C13orf46: variants seen among roughly 807,000 people sequenced by gnomAD.
C13orf46 encodes the protein chromosome 13 open reading frame 46.
downstream of C13orf46, among the ~76,000 whole-genome samples, chr13:113,949,352 T>G (rs1180251344): frequency 2.0e-5 from 3 of 151,800 alleles, no homozygotes; most frequent in African/African-American, 7.3e-5. Flanking sequence ...TTGTCAGGAG[T>G]GAGTGTGGGT....
the C13orf46 span, among the ~76,000 whole-genome samples, chr13:113,946,894 C>G: frequency 1.3e-5 from 2 of 152,240 alleles, no homozygotes; most frequent in Non-Finnish European, 2.9e-5. Flanking sequence ...CCTTTGGAGC[C>G]CCACAGCGGC....
the C13orf46 span, among the ~76,000 whole-genome samples, chr13:113,935,530 T>C: frequency 1.2e-4 from 19 of 152,242 alleles, no homozygotes; most frequent in Admixed American, 1.2e-3. Context: ...GGATTTCAAA[T>C]TGTCCTCTTA....
chr13:113,930,795 G>A, the C13orf46 span, among the ~76,000 whole-genome samples: 19 of 152,316 alleles, frequency 1.2e-4, no homozygotes, highest in Non-Finnish European at 2.4e-4. Flanking sequence ...GGTGATGCCC[G>A]TGGACTTTAG....
At chr13:113,944,041 G>A in the C13orf46 span, among the ~76,000 whole-genome samples, 93 of 152,260 alleles carry the variant, frequency 6.1e-4, no homozygotes, top group African/African-American at 2.2e-3. Context: ...ATCCCAAGAC[G>A]CACGCTGCAG....
chr13:113,966,245 GGTGATGGTGATGATGATGGTGACA>G (rs1318182931), intron 5 of C13orf46, among the ~76,000 whole-genome samples: 11 of 150,870 alleles, frequency 7.3e-5, no homozygotes, highest in South Asian at 2.1e-4. Context: ...TAGCGATAGT[GGTGATGGTGATGATGATGGTGACA>G]GTGATGGTGG....
chr13:113,970,449 A>G (rs1392909695), intron 1 of C13orf46: 1 of 152,350 alleles, frequency 6.6e-6, no homozygotes, highest in Non-Finnish European at 1.5e-5. Flanking sequence ...CAGCCCCAGC[A>G]GCTCAGCCCA....
chr13:113,964,622 C>T (rs2052619112), intron 6 of C13orf46, among the ~76,000 whole-genome samples: 1 of 152,230 alleles, frequency 6.6e-6, no homozygotes, highest in East Asian at 1.9e-4. Context: ...TACTCTCCCT[C>T]CTCTTCCCCC....
chr13:113,971,078 C>T (rs774824759), intron 1 of C13orf46, among the ~76,000 whole-genome samples: 1 of 152,242 alleles, frequency 6.6e-6, no homozygotes, highest in Non-Finnish European at 1.5e-5. Flanking sequence ...GCCCTAGGTG[C>T]TCAGGAGAGC....
the C13orf46 span, among the ~76,000 whole-genome samples, chr13:113,930,585 C>A: frequency 6.6e-6 from 1 of 152,176 alleles, no homozygotes. Flanking sequence ...CCTGAGCCCC[C>A]ACGAGCATCC....
intron 1 of C13orf46, among the ~76,000 whole-genome samples, chr13:113,972,886 G>A (rs536901263): frequency 9.9e-5 from 15 of 152,226 alleles, no homozygotes; most frequent in Admixed American, 3.3e-4. Flanking sequence ...CACCCCTCCC[G>A]CCCTTGGCTG....
chr13:113,951,297 G>A (rs1238102247), downstream of C13orf46, among the ~76,000 whole-genome samples: 2 of 152,200 alleles, frequency 1.3e-5, no homozygotes, highest in Admixed American at 1.3e-4. Flanking sequence ...GGGCCCCCAC[G>A]GGGTGGTGCT....
chr13:113,939,434 A>G, the C13orf46 span, among the ~76,000 whole-genome samples: 9 of 152,058 alleles, frequency 5.9e-5, no homozygotes, highest in Non-Finnish European at 7.4e-5. Flanking sequence ...AACGGGGAAC[A>G]CGGGGATCAC....
chr13:113,938,666 C>T, the C13orf46 span, among the ~76,000 whole-genome samples: 4 of 152,336 alleles, frequency 2.6e-5, no homozygotes, highest in East Asian at 1.9e-4. Flanking sequence ...CAGCCTCCGA[C>T]GTCTTTGGGA....
chr13:113,939,594 G>GCC, the C13orf46 span, among the ~76,000 whole-genome samples: 2 of 152,248 alleles, frequency 1.3e-5, no homozygotes, highest in African/African-American at 2.4e-5. Flanking sequence ...GCAATAAGCA[G>GCC]CCGCCTCCTC....
At chr13:113,932,866 T>C in the C13orf46 span, among the ~76,000 whole-genome samples, 32 of 152,324 alleles carry the variant, frequency 2.1e-4, no homozygotes, top group African/African-American at 7.2e-4. Context: ...TTATGACCTA[T>C]TACAATTTTT....
chr13:113,940,500 T>C, the C13orf46 span, among the ~76,000 whole-genome samples: 4 of 131,038 alleles, frequency 3.1e-5, no homozygotes, highest in African/African-American at 8.5e-5. Context: ...GAGACCCTGG[T>C]CTCTGGGACT....
At chr13:113,948,920 C>G (rs2052479377), downstream of C13orf46, among the ~76,000 whole-genome samples, 1 of 152,182 alleles carries the variant, frequency 6.6e-6, no homozygotes, top group Non-Finnish European at 1.5e-5. Flanking sequence ...CTCTTTTTCA[C>G]CACATTTGTT....
intron 6 of C13orf46, among the ~76,000 whole-genome samples, chr13:113,961,427 T>C (rs1260965757): frequency 8.5e-6 from 1 of 118,276 alleles, no homozygotes; most frequent in Non-Finnish European, 2.0e-5. Flanking sequence ...GATGTGACAC[T>C]GTCAGTCATG....
intron 1 of C13orf46, among the ~76,000 whole-genome samples, chr13:113,971,720 G>C (rs1461693082): frequency 2.0e-5 from 3 of 152,224 alleles, no homozygotes; most frequent in Non-Finnish European, 4.4e-5. Flanking sequence ...ACCTGTGGGT[G>C]CACGTGGCAC....
Sources: gnomAD v4.1 joint callset for allele counts (sites outside exome capture counted in the v4.1 genomes callset) on GRCh38, gnomAD v4.1.1 for gene constraint, MANE v1.5 for transcripts, NCBI Gene and HGNC (gene_info 2026-07-23, HGNC 2026-07-21) for gene names.